PCDH9: variants seen among roughly 807,000 people sequenced by gnomAD.
PCDH9 encodes protocadherin-9.
PCDH9 carries 24 observed loss-of-function variants against 70.6 expected under a neutral mutation model. That is an observed-to-expected ratio of 0.34 (90% CI 0.25 to 0.48). The LOEUF is 0.48. Among genes scored for constraint, PCDH9 ranks in the 20% least tolerant of loss-of-function variants. PCDH9 has a pLI of 0.99. For missense variants in PCDH9, 1,281 were observed against 1,503.6 expected (o/e 0.85, Z 2.45); for synonymous variants, 562 against 558.5 (o/e 1.01, Z -0.09).
At chr13:66,562,595 G>C (rs1263595829) in intron 4 of PCDH9, among the ~76,000 whole-genome samples, 1 of 152,082 alleles carries the variant, frequency 6.6e-6, no homozygotes, top group Non-Finnish European at 1.5e-5. Context: ...GATCTTGTGG[G>C]ACATATTCAC....
intron 3 of PCDH9, among the ~76,000 whole-genome samples, chr13:66,650,208 A>T (rs1360394948): frequency 2.0e-5 from 3 of 152,012 alleles, no homozygotes; most frequent in Non-Finnish European, 4.4e-5. Flanking sequence ...TGAAAAAATA[A>T]GAACCAATGA....
intron 4 of PCDH9, among the ~76,000 whole-genome samples, chr13:66,336,558 G>T (rs1434112199): frequency 6.6e-6 from 1 of 151,996 alleles, no homozygotes; most frequent in African/African-American, 2.4e-5. Flanking sequence ...TTTTAAAAAT[G>T]CCAAATAACC....
intron 3 of PCDH9, among the ~76,000 whole-genome samples, chr13:66,680,939 A>G (rs1345610870): frequency 2.0e-5 from 3 of 152,098 alleles, no homozygotes; most frequent in South Asian, 2.1e-4. Flanking sequence ...TAATACAAGG[A>G]TAAAAGCTGT....
chr13:67,000,290 C>T (rs1304218059), intron 2 of PCDH9, among the ~76,000 whole-genome samples: 3 of 131,490 alleles, frequency 2.3e-5, no homozygotes, highest in East Asian at 4.6e-4. Context: ...AATGAGAACA[C>T]GTGGACACAG....
At chr13:66,622,756 A>AAAGCAGGCTGCCC (rs1179572154) in intron 4 of PCDH9, among the ~76,000 whole-genome samples, 1 of 152,108 alleles carries the variant, frequency 6.6e-6, no homozygotes, top group Non-Finnish European at 1.5e-5. Context: ...TAAGAGAATA[A>AAAGCAGGCTGCCC]AAGCAGGCTG....
chr13:66,590,944 C>A (rs994077376), intron 4 of PCDH9, among the ~76,000 whole-genome samples: 32 of 151,452 alleles, frequency 2.1e-4, no homozygotes, highest in Admixed American at 1.7e-3. Flanking sequence ...TCCAAATAAA[C>A]CCAAAACATG....
intron 4 of PCDH9, among the ~76,000 whole-genome samples, chr13:66,555,898 T>A (rs975330911): frequency 3.4e-5 from 5 of 148,164 alleles, no homozygotes; most frequent in African/African-American, 1.2e-4. Context: ...TTTATATATA[T>A]ATATAAGATA....
intron 4 of PCDH9, among the ~76,000 whole-genome samples, chr13:66,359,383 T>C (rs1956432291): frequency 6.6e-6 from 1 of 151,982 alleles, no homozygotes. Flanking sequence ...GTATTAAAAC[T>C]TATGACAGTT....
intron 3 of PCDH9, among the ~76,000 whole-genome samples, chr13:66,715,223 A>C (rs1474028210): frequency 1.3e-5 from 2 of 152,154 alleles, no homozygotes; most frequent in African/African-American, 4.8e-5. Context: ...ATACGGCCAC[A>C]ATTCTAAATC....
chr13:66,518,066 G>A (rs551147072), intron 4 of PCDH9, among the ~76,000 whole-genome samples: 1 of 152,176 alleles, frequency 6.6e-6, no homozygotes, highest in East Asian at 1.9e-4. Context: ...TCTGCAGGCT[G>A]TACAAGAAGC....
intron 3 of PCDH9, among the ~76,000 whole-genome samples, chr13:66,783,737 A>G (rs1035052304): frequency 1.3e-5 from 2 of 152,152 alleles, no homozygotes; most frequent in African/African-American, 4.8e-5. Context: ...GCAATGCATA[A>G]TGTTTGTATT....
In PCDH9 at chr13:66,924,989, T is replaced by C. The variant is rs185414772; in HGVS notation, c.3037-21384A>G. On this transcript the variant is annotated intron_variant, in intron 2 of 4. Transcript: ENST00000377865. ...ATGACACAAATATAAACATGATTTT[T>C]TTTATAAAAAACATGGAAGATCTCA... is the stretch of plus-strand genomic sequence containing the variant. 1.5e-4 allele frequency among the ~76,000 whole-genome samples: 23 copies of C among 151,976 alleles called. No homozygotes were observed. In the East Asian group the frequency reaches 4.1e-3, roughly 27 times the overall value.
At chr13:66,844,541 TGCCAC>T (rs2081172504) in intron 3 of PCDH9, among the ~76,000 whole-genome samples, 1 of 149,384 alleles carries the variant, frequency 6.7e-6, no homozygotes, top group Non-Finnish European at 1.5e-5. Flanking sequence ...GCCGAGATCG[TGCCAC>T]TGCACTCTAG....
At chr13:66,862,047 G>T (rs148036822) in intron 3 of PCDH9, among the ~76,000 whole-genome samples, 1 of 152,106 alleles carries the variant, frequency 6.6e-6, no homozygotes, top group Non-Finnish European at 1.5e-5. Flanking sequence ...TTTGTTGTTT[G>T]TGTCACATTG....
At chr13:67,095,987 A>G (rs941763654) in intron 2 of PCDH9, among the ~76,000 whole-genome samples, 10 of 152,220 alleles carry the variant, frequency 6.6e-5, no homozygotes, top group African/African-American at 2.4e-4. Flanking sequence ...GGTAACTTGT[A>G]AAATTATACA....
At chr13:67,043,548 T>C (rs2085164102) in intron 2 of PCDH9, among the ~76,000 whole-genome samples, 2 of 152,104 alleles carry the variant, frequency 1.3e-5, no homozygotes, top group African/African-American at 2.4e-5. Flanking sequence ...GATAAAATTA[T>C]AGGGTCTATG....
intron 3 of PCDH9, among the ~76,000 whole-genome samples, chr13:66,806,836 G>A (rs1461697765): frequency 6.6e-6 from 1 of 152,182 alleles, no homozygotes; most frequent in Non-Finnish European, 1.5e-5. Flanking sequence ...TTGGCAACTA[G>A]TATATGCATA....
intron 3 of PCDH9, among the ~76,000 whole-genome samples, chr13:66,632,355 T>A (rs1480140120): frequency 6.6e-6 from 1 of 152,238 alleles, no homozygotes; most frequent in Non-Finnish European, 1.5e-5. Context: ...GCAATTGCTA[T>A]TGATATACAT....
At chr13:67,150,695 A>C (rs1265114487) in intron 2 of PCDH9, among the ~76,000 whole-genome samples, 3 of 152,310 alleles carry the variant, frequency 2.0e-5, no homozygotes, top group African/African-American at 7.2e-5. Context: ...AACCATTTGC[A>C]ACTAACATAA....
Sources: gnomAD v4.1 joint callset for allele counts (sites outside exome capture counted in the v4.1 genomes callset) on GRCh38, gnomAD v4.1.1 for gene constraint, MANE v1.5 for transcripts, NCBI Gene and HGNC (gene_info 2026-07-23, HGNC 2026-07-21) for gene names.